The following CCNY variants were observed in gnomAD, a reference collection of about 807,000 sequenced individuals.
CCNY encodes cyclin Y.
In CCNY, 19 loss-of-function variants were observed where a neutral mutation model predicts 42.8. The observed-to-expected ratio is 0.44, with a 90% CI of 0.31 to 0.65. The LOEUF (loss-of-function observed/expected upper bound fraction) is 0.65, where lower values mean the gene tolerates loss of function less well. Ranked by LOEUF, CCNY falls within the 30% of genes least tolerant of loss-of-function variation. The probability of loss-of-function intolerance (pLI) is 0.07; values close to 1 mark genes in which losing one functional copy is unlikely to be tolerated. For synonymous variants in CCNY, 165 were observed against 162.7 expected (o/e 1.01, Z -0.11); for missense variants, 370 against 437.3 (o/e 0.85, Z 1.37).
chr10:35,372,791 C>G (rs1292848262), intron 1 of CCNY, among the ~76,000 whole-genome samples: 2 of 152,228 alleles, frequency 1.3e-5, no homozygotes, highest in African/African-American at 4.8e-5. Flanking sequence ...CCTCCACCTC[C>G]TGGGTTCAAG....
chr10:35,333,736 A>G (rs1835973770), upstream of CCNY, among the ~76,000 whole-genome samples: 1 of 152,194 alleles, frequency 6.6e-6, no homozygotes, highest in East Asian at 1.9e-4. Flanking sequence ...CTTTCAACGA[A>G]CGACATCTCT....
intron 1 of CCNY, among the ~76,000 whole-genome samples, chr10:35,407,364 G>T (rs908043244): frequency 6.6e-6 from 1 of 152,032 alleles, no homozygotes; most frequent in Non-Finnish European, 1.5e-5. Flanking sequence ...AGAAAAGGAA[G>T]ATTCAAAAGA....
chr10:35,266,354 C>T lies in CCNY; in HGVS notation c.-9+15728C>T, dbSNP rs112509669. ...ACCTCAGGTGATCTACCAGCTTTGG[C>T]CTCCCAAAGTGCTGGAATTACAGGC... On this transcript the variant is annotated intron_variant, in intron 3 of 11. Transcript: ENST00000374706. Among the ~76,000 whole-genome samples the T allele has an allele frequency of 1.6e-4, 24 of 148,748 alleles. 1 individual carries two copies. Among genetic ancestry groups the T allele is most frequent in the African/African-American group, 5.9e-4 (24 of 40,366 alleles).
chr10:35,538,222 T>C (rs1020181003), intron 7 of CCNY, among the ~76,000 whole-genome samples: 19 of 152,200 alleles, frequency 1.2e-4, no homozygotes, highest in African/African-American at 4.3e-4. Context: ...AATTAAACCT[T>C]CTTTCTTTTG....
At chr10:35,465,538 A>G (rs1298733001) in intron 1 of CCNY, among the ~76,000 whole-genome samples, 3 of 152,184 alleles carry the variant, frequency 2.0e-5, no homozygotes, top group African/African-American at 7.2e-5. Context: ...TGTCCTCAGG[A>G]AAAGTACAAC....
intron 3 of CCNY, among the ~76,000 whole-genome samples, chr10:35,305,952 T>C (rs1235373720): frequency 6.6e-6 from 1 of 152,196 alleles, no homozygotes; most frequent in Non-Finnish European, 1.5e-5. Flanking sequence ...GTGCAGGAAA[T>C]CTACTCCTAT....
At chr10:35,380,203 A>G (rs1474671549) in intron 1 of CCNY, among the ~76,000 whole-genome samples, 2 of 152,180 alleles carry the variant, frequency 1.3e-5, no homozygotes, top group African/African-American at 4.8e-5. Flanking sequence ...TGCTGCTCCC[A>G]TTTTGGTTTG....
chr10:35,524,905 G>A (rs961579539), intron 4 of CCNY, among the ~76,000 whole-genome samples: 6 of 152,156 alleles, frequency 3.9e-5, no homozygotes, highest in South Asian at 2.1e-4. Context: ...TAGACTTTCC[G>A]CAAAGATGTT....
intron 1 of CCNY, among the ~76,000 whole-genome samples, chr10:35,247,926 T>C (rs1461852314): frequency 1.9e-5 from 2 of 107,236 alleles, no homozygotes; most frequent in South Asian, 5.9e-4. Flanking sequence ...AAAGAATAAA[T>C]AAATGAAAAA....
At chr10:35,295,557 A>G (rs1199181884) in intron 3 of CCNY, among the ~76,000 whole-genome samples, 1 of 151,912 alleles carries the variant, frequency 6.6e-6, no homozygotes, top group Non-Finnish European at 1.5e-5. Flanking sequence ...GAAACTCTAT[A>G]CCCATTAATC....
chr10:35,501,684 A>G (rs1260371022), intron 3 of CCNY, 149 bp downstream of exon 3: 4 of 697,426 alleles, frequency 5.7e-6, no homozygotes, highest in East Asian at 5.2e-5. Context: ...TTGGTTTGTA[A>G]TTGGACAAGC....
At chr10:35,394,901 T>C (rs1837489294) in intron 1 of CCNY, 2 of 947,920 alleles carry the variant, frequency 2.1e-6, no homozygotes, top group Non-Finnish European at 2.5e-6. Flanking sequence ...CTTGGAAAAT[T>C]AAATGGGAGT....
At chr10:35,450,609 G>A (rs111251232) in intron 1 of CCNY, among the ~76,000 whole-genome samples, 1,578 of 152,184 alleles carry the variant, frequency 0.01, 24 homozygotes, top group African/African-American at 0.036. Flanking sequence ...GGCATCTTGC[G>A]GGTTCCCATC....
At chr10:35,438,090 C>T (rs985192504) in intron 1 of CCNY, among the ~76,000 whole-genome samples, 10 of 151,788 alleles carry the variant, frequency 6.6e-5, no homozygotes, top group African/African-American at 9.7e-5. Flanking sequence ...CAAATGATAG[C>T]GTCCAGGAGA....
intron 3 of CCNY, among the ~76,000 whole-genome samples, chr10:35,322,017 C>G (rs1835827473): frequency 6.6e-6 from 1 of 152,158 alleles, no homozygotes; most frequent in African/African-American, 2.4e-5. Flanking sequence ...TTAACTTACT[C>G]ATACACAAAA....
chr10:35,516,342 G>A (rs1246411244), intron 3 of CCNY, among the ~76,000 whole-genome samples, 181 bp from the exon 4 acceptor site: 2 of 152,122 alleles, frequency 1.3e-5, no homozygotes, highest in African/African-American at 4.8e-5. Flanking sequence ...ATATATGGAA[G>A]AGCAAGGAAG....
chr10:35,443,971 C>T (rs1838731887), intron 1 of CCNY, among the ~76,000 whole-genome samples: 1 of 152,188 alleles, frequency 6.6e-6, no homozygotes, highest in South Asian at 2.1e-4. Flanking sequence ...ATAGGGTGGA[C>T]GTGTCAGACT....
At chr10:35,492,117 T>C (rs990690148) in intron 2 of CCNY, among the ~76,000 whole-genome samples, 2 of 152,106 alleles carry the variant, frequency 1.3e-5, no homozygotes, top group African/African-American at 4.8e-5. Context: ...TCATGTCCTC[T>C]CTCAAACCTT....
At chr10:35,358,592 C>T (rs932237386) in intron 1 of CCNY, among the ~76,000 whole-genome samples, 13 of 152,346 alleles carry the variant, frequency 8.5e-5, no homozygotes, top group Non-Finnish European at 1.9e-4. Flanking sequence ...ATGACCACTT[C>T]TTGTCAAGCT....
Sources: gnomAD v4.1 joint callset for allele counts (sites outside exome capture counted in the v4.1 genomes callset) on GRCh38, gnomAD v4.1.1 for gene constraint, MANE v1.5 for transcripts, NCBI Gene and HGNC (gene_info 2026-07-23, HGNC 2026-07-21) for gene names.